Variants in PGLS observed in about 807,000 individuals in gnomAD.
PGLS encodes epididymis secretory protein Li 304.
In PGLS, 21 loss-of-function variants were observed where a neutral mutation model predicts 23.2. That is an observed-to-expected ratio of 0.91 (90% CI 0.64 to 1.31). The LOEUF is 1.31. Ranked by LOEUF, PGLS falls within the 50% of genes most tolerant of loss-of-function variation. PGLS has a pLI of 0.00. For synonymous variants in PGLS, 179 were observed against 165.4 expected, an observed-to-expected ratio of 1.08 and a Z score of -0.63; for missense variants, 410 against 354.0, an observed-to-expected ratio of 1.16 and a Z score of -1.27.
intron 2 of PGLS, among the ~76,000 whole-genome samples, chr19:17,516,966 C>A (rs1429741680): frequency 4.7e-5 from 7 of 149,772 alleles, no homozygotes; most frequent in Non-Finnish European, 1.0e-4. Context: ...CTCACTGCAA[C>A]CTCTGCCTCC....
chr19:17,517,797 G>C lies in PGLS; in HGVS notation c.586G>C (p.Ala196Pro). 6.2e-7 allele frequency: 1 copy of C among 1,614,128 alleles called. No individual in the cohort carries two copies. The highest frequency in any genetic ancestry group is 1.3e-5 in the African/African-American group (1 of 75,034). Residue 196 changes from alanine (A) to proline (P), a missense_variant, in exon 4 of 5, where the codon GCA (alanine) becomes CCA (proline). Ala to Pro is a conservative substitution (Grantham distance 27). Transcript: ENST00000252603. ...CCTCACACTACCTGTCCTGAATGCA[G>C]CACGAACTGTCATCTTTGTGGCAAC... ...VTLTLPVLNA[A>P]RTVIFVATGE...
chr19:17,521,053 T>C lies in PGLS; in HGVS notation c.749T>C (p.Val250Ala). The C allele has an allele frequency of 1.2e-6, 2 of 1,602,848 alleles. No individual in the cohort carries two copies. Among genetic ancestry groups the C allele is most frequent in the Middle Eastern group, 3.3e-4 (2 of 6,038 alleles). Reference protein sequence around the residue: ...LDEAAARLLTVPFEKHSTL With the variant: ...LDEAAARLLTAPFEKHSTL ...GAGGCGGCCGCCCGCCTCCTGACCG[T>C]GCCCTTCGAGAAGCATTCCACTTTG... The change falls in exon 5 of 5, where the codon GTG (valine) becomes GCG (alanine). Residue 250 changes from valine to alanine, a missense_variant. Physicochemically the swap from Val to Ala is moderately conservative, Grantham distance 64. Transcript: ENST00000252603.
Position 17,521,085 on chromosome 19 carries a change from G to A in PGLS, c.*4G>A, listed in dbSNP as rs751130730. The A allele has an allele frequency of 1.8e-5, 29 of 1,593,162 alleles. No individual in the cohort carries two copies. In the South Asian group the frequency reaches 2.8e-4, roughly 16 times the overall value. On this transcript the variant is annotated 3_prime_UTR_variant, in exon 5 of 5. Transcript: ENST00000252603. ...CGAGAAGCATTCCACTTTGTAGCTG[G>A]CCAGAGGGACGCCGCAGCTGGGACC...
At chr19:17,518,162 CTA>C (rs2075542315) in intron 4 of PGLS, among the ~76,000 whole-genome samples, 1 of 152,102 alleles carries the variant, frequency 6.6e-6, no homozygotes, top group Admixed American at 6.5e-5. Flanking sequence ...AAGTAGCAAA[CTA>C]TTGAAATAAA....
chr19:17,513,545 G>A (rs1047664806), intron 1 of PGLS, among the ~76,000 whole-genome samples: 5 of 150,884 alleles, frequency 3.3e-5, no homozygotes, highest in Admixed American at 1.3e-4. Flanking sequence ...TTGGCCGGGC[G>A]TGGTGGCTCA....
At chr19:17,517,144 A>G in intron 2 of PGLS, 144 bp from the exon 3 acceptor site, 1 of 648,824 alleles carries the variant, frequency 1.5e-6, no homozygotes, top group Non-Finnish European at 2.8e-6. Context: ...CGGCCTCCCA[A>G]AGTGCTGGGA....
At chr19:17,512,038 C>A in intron 1 of PGLS, 78 bp downstream of exon 1, 1 of 1,412,954 alleles carries the variant, frequency 7.1e-7, no homozygotes, top group South Asian at 1.4e-5. Context: ...CGGAGGCCGC[C>A]GGGGGCCATG....
Position 17,514,558 on chromosome 19 carries a change from C to G in PGLS, c.289-1615C>G, listed in dbSNP as rs149043638. Among the ~76,000 whole-genome samples the G allele has an allele frequency of 2.5e-3, 384 of 151,718 alleles. 3 individuals are homozygous for G. The highest frequency in any genetic ancestry group is 8.9e-3 in the African/African-American group (367 of 41,372). ...CCAGGCTGGAGTGCAGAGGCATGAT[C>G]GTGGCTTACTGCAGCCTTCAGCTCC... On this transcript the variant is annotated intron_variant, in intron 1 of 4. Coordinates refer to ENST00000252603, the MANE Select transcript of PGLS (RefSeq NM_012088.3).
chr19:17,515,897 C>A (rs1160423780), intron 1 of PGLS: 2 of 327,162 alleles, frequency 6.1e-6, no homozygotes, highest in South Asian at 6.8e-5. Flanking sequence ...GTCCAGCCCC[C>A]CAAGAGCAGC....
rs2075507234 is a variant in PGLS at position 17,511,744 on chromosome 19, G to C, written c.72G>C (p.Gln24His). ...SSQELGAALA[Q>H]LVAQRAACCL... ...AGGAGCTGGGTGCGGCGCTAGCGCA[G>C]CTGGTGGCCCAGCGCGCAGCATGCT... Residue 24 changes from glutamine (Q) to histidine (H), a missense_variant, in exon 1 of 5, where the codon CAG (glutamine) becomes CAC (histidine). Transcript: ENST00000252603. 6.6e-7 allele frequency: 1 copy of C among 1,505,310 alleles called. No homozygotes were observed. Among genetic ancestry groups the C allele is most frequent in the South Asian group, 1.2e-5 (1 of 81,630 alleles). The allele number at this position is 1,505,310 out of a possible 1,614,324, so 93.2% of individuals were successfully genotyped here.
At chr19:17,511,998 G>A (rs1220038852) in intron 1 of PGLS, 38 bp downstream of exon 1, 3 of 1,515,770 alleles carry the variant, frequency 2.0e-6, no homozygotes, top group African/African-American at 2.9e-5. Context: ...CACGCCGAGA[G>A]GGCCACAGCC....
intron 4 of PGLS, 127 bp from the exon 5 acceptor site, chr19:17,520,817 G>A: frequency 9.6e-7 from 1 of 1,038,684 alleles, no homozygotes; most frequent in South Asian, 2.0e-5. Context: ...TAGGACAGCT[G>A]AGCTGGGCAT....
In PGLS at chr19:17,511,712, A is replaced by T; in HGVS notation, c.40A>T (p.Ser14Cys). 1 of 1,509,076 alleles carries T rather than the reference A, an allele frequency of 6.6e-7. No homozygotes were observed. Among genetic ancestry groups the T allele is most frequent in the Non-Finnish European group, 8.8e-7 (1 of 1,135,694 alleles). The allele number at this position is 1,509,076 out of a possible 1,614,324, so 93.5% of individuals were successfully genotyped here. ...PAPGLISVFSSSQELGAALAQ... is the reference protein window; with the variant it reads ...PAPGLISVFSCSQELGAALAQ... ...CCCGGGCCTCATCTCGGTGTTCTCG[A>T]GTTCCCAGGAGCTGGGTGCGGCGCT... Residue 14 changes from serine to cysteine, a missense_variant, in exon 1 of 5, where the codon AGT (serine) becomes TGT (cysteine). Transcript: ENST00000252603.
rs754130584 is a variant in PGLS at position 17,511,936 on chromosome 19, C to A, written c.264C>A (p.Ala88=). The A allele has an allele frequency of 6.4e-7, 1 of 1,550,506 alleles. No individual in the cohort carries two copies. Among genetic ancestry groups the A allele is most frequent in the South Asian group, 1.2e-5 (1 of 84,300 alleles). ...CDERLVPFDH[A]ESTYGLYRTH... ...AGCGCCTCGTGCCCTTCGATCACGC[C>A]GAGAGCACGTACGGCCTCTACCGGG... Residue 88 remains alanine, a synonymous_variant, in exon 1 of 5, where the codon GCC becomes GCA. Transcript: ENST00000252603.
chr19:17,513,956 A>G (rs964651638), intron 1 of PGLS, among the ~76,000 whole-genome samples: 14 of 152,222 alleles, frequency 9.2e-5, no homozygotes, highest in Non-Finnish European at 1.0e-4. Flanking sequence ...GCCATGGTCA[A>G]GCTGTGGCAA....
At chr19:17,517,619 C>T (rs1341652623) in intron 3 of PGLS, 91 bp from the exon 4 acceptor site, 1 of 1,408,334 alleles carries the variant, frequency 7.1e-7, no homozygotes, top group Non-Finnish European at 9.9e-7. Context: ...TGGGATGGAA[C>T]AGTGGCTGGA....
Position 17,518,910 on chromosome 19 carries a change from G to A in PGLS, c.639+1060G>A, listed in dbSNP as rs183139289. 2.4e-3 allele frequency among the ~76,000 whole-genome samples: 363 copies of A among 152,248 alleles called. 2 individuals carry two copies. Among genetic ancestry groups the A allele is most frequent in the African/African-American group, 7.9e-3 (330 of 41,548 alleles). The stretch of plus-strand genomic sequence containing the variant: ...GCTTATCATCCCATCTACTCAGGAG[G>A]CTAAGGCAGGAGGATTACTCGAGCT... On this transcript the variant is annotated intron_variant, in intron 4 of 4. Coordinates refer to ENST00000252603, the MANE Select transcript of PGLS (RefSeq NM_012088.3).
At chr19:17,516,691 T>G (rs922501982) in intron 2 of PGLS, among the ~76,000 whole-genome samples, 12 of 152,018 alleles carry the variant, frequency 7.9e-5, no homozygotes, top group Middle Eastern at 6.8e-3. Context: ...TTCACACCAT[T>G]CTCCTGCCTC....
intron 1 of PGLS, among the ~76,000 whole-genome samples, chr19:17,514,015 C>T (rs147815532): frequency 9.5e-4 from 145 of 152,292 alleles, no homozygotes; most frequent in Non-Finnish European, 1.8e-3. Context: ...AACCTGAAGC[C>T]AGGACTTGCT....
Sources: allele counts gnomAD v4.1 joint callset (sites outside exome capture counted in the v4.1 genomes callset), GRCh38; gene constraint gnomAD v4.1.1; transcripts MANE v1.5; gene names NCBI Gene and HGNC (gene_info 2026-07-23, HGNC 2026-07-21).